The following APTX variants were observed in gnomAD, a reference collection of about 807,000 sequenced individuals.
The protein encoded by APTX is forkhead-associated domain histidine triad-like protein.
APTX carries 33 observed loss-of-function variants against 42.3 expected under a neutral mutation model. The ratio of observed to expected loss-of-function variants is 0.78; its 90% CI spans 0.59 to 1.04. The LOEUF is 1.04. Ranked by LOEUF, APTX falls within the 50% of genes least tolerant of loss-of-function variation. The pLI is 0.00. For missense variants in APTX, 421 were observed against 415.1 expected, an observed-to-expected ratio of 1.01 and a Z score of -0.12; for synonymous variants, 130 against 146.7, an observed-to-expected ratio of 0.89 and a Z score of 0.82.
At position 32,973,628 on chromosome 9, in the gene APTX, G is replaced by A. The variant is rs1018257998; in HGVS notation, c.899C>T (p.Ala300Val). Reference protein sequence around the residue: ...SQAVIEMVQEAGRVTVRDGMP... With the variant: ...SQAVIEMVQEVGRVTVRDGMP... ...CCCATCTCGGACAGTTACTCTACCA[G>A]CCTCTTGTACCATCTCGATCACAGC... The change falls in exon 8 of 8, where the codon GCT becomes GTT. Residue 300 changes from alanine (A) to valine (V), a missense_variant. Ala to Val is a moderately conservative substitution (Grantham distance 64). Coordinates refer to ENST00000379817, the MANE Select transcript of APTX (RefSeq NM_001195248.2). 4 of 1,611,924 alleles carry A rather than the reference G, an allele frequency of 2.5e-6. No homozygotes were observed. Among genetic ancestry groups the A allele is most frequent in the Non-Finnish European group, 3.4e-6 (4 of 1,179,836 alleles).
At chr9:33,008,549 A>C (rs1587639408) in intron 1 of APTX, among the ~76,000 whole-genome samples, 1 of 141,886 alleles carries the variant, frequency 7.0e-6, no homozygotes, top group Admixed American at 7.4e-5. Context: ...CTTCTGATTA[A>C]GATTTTTTTT....
intron 1 of APTX, among the ~76,000 whole-genome samples, chr9:32,996,957 A>C (rs528698678): frequency 2.0e-5 from 3 of 152,368 alleles, no homozygotes; most frequent in South Asian, 2.1e-4. Context: ...ACATGGTCTC[A>C]TTTTAACACT....
At chr9:32,980,936 A>G (rs941178472) in intron 6 of APTX, among the ~76,000 whole-genome samples, 2 of 152,242 alleles carry the variant, frequency 1.3e-5, no homozygotes, top group African/African-American at 4.8e-5. Context: ...CGTTCTCCCA[A>G]TAAATAATCA....
chr9:33,000,355 A>T (rs920744588), intron 1 of APTX, among the ~76,000 whole-genome samples: 3 of 152,150 alleles, frequency 2.0e-5, no homozygotes, highest in Admixed American at 1.3e-4. Context: ...GGCTGGGCAC[A>T]GTGGCTCACG....
intron 1 of APTX, among the ~76,000 whole-genome samples, chr9:33,012,540 T>C (rs1353226606): frequency 2.0e-5 from 3 of 152,094 alleles, no homozygotes; most frequent in Non-Finnish European, 4.4e-5. Context: ...GGTGCTCCTG[T>C]TCAAAGGATC....
intron 6 of APTX, among the ~76,000 whole-genome samples, 165 bp downstream of exon 6, chr9:32,984,466 T>C (rs1831405823): frequency 6.6e-6 from 1 of 152,174 alleles, no homozygotes; most frequent in Non-Finnish European, 1.5e-5. Flanking sequence ...AAAGCTTGCA[T>C]GCAAGTCAGG....
At chr9:32,986,059 A>AC (rs771597653) in intron 4 of APTX, 29 bp from the exon 5 acceptor site, 12 of 1,240,086 alleles carry the variant, frequency 9.7e-6, no homozygotes, top group South Asian at 6.3e-5. Context: ...AAAAAACAAA[A>AC]AAAAAAAAAA....
At chr9:32,988,035 C>T in intron 3 of APTX, 48 bp downstream of exon 3, 5 of 1,589,828 alleles carry the variant, frequency 3.1e-6, no homozygotes, top group Non-Finnish European at 4.3e-6. Flanking sequence ...AAGTCAACAG[C>T]ATAAGAAAAT....
chr9:32,995,979 AC>A (rs750648832), intron 1 of APTX, among the ~76,000 whole-genome samples: 1 of 151,676 alleles, frequency 6.6e-6, no homozygotes, highest in Non-Finnish European at 1.5e-5. Context: ...TCAAGGCAAG[AC>A]CCCCCCTACA....
intron 1 of APTX, among the ~76,000 whole-genome samples, chr9:33,008,095 T>C (rs566022350): frequency 6.6e-6 from 1 of 152,290 alleles, no homozygotes; most frequent in East Asian, 1.9e-4. Context: ...GTTAACCTCC[T>C]ACTGCTTCCC....
At chr9:32,986,935 A>C (rs1832329047) in intron 4 of APTX, among the ~76,000 whole-genome samples, 1 of 152,042 alleles carries the variant, frequency 6.6e-6, no homozygotes, top group African/African-American at 2.4e-5. Flanking sequence ...CAGCCTCCCG[A>C]GTAGCTGGGA....
intron 3 of APTX, 37 bp from the exon 4 acceptor site, chr9:32,987,883 A>G (rs1832579425): frequency 1.4e-5 from 22 of 1,607,480 alleles, no homozygotes; most frequent in Non-Finnish European, 1.9e-5. Flanking sequence ...TTATAATAAT[A>G]GCAACAGCAC....
At chr9:33,015,597 TCTGC>T (rs1396856268) in intron 1 of APTX, among the ~76,000 whole-genome samples, 13 of 152,332 alleles carry the variant, frequency 8.5e-5, no homozygotes, top group African/African-American at 3.1e-4. Context: ...GATCTCATGA[TCTGC>T]CTGCCTCAGT....
chr9:32,986,636 G>C (rs2118773964), intron 4 of APTX, among the ~76,000 whole-genome samples: 1 of 151,716 alleles, frequency 6.6e-6, no homozygotes, highest in East Asian at 1.9e-4. Context: ...GGAGTTGCTG[G>C]GATTATAGGC....
chr9:32,988,068 T>G lies in APTX; in HGVS notation c.180+15A>C, dbSNP rs1832627330. The G allele has an allele frequency of 6.2e-7, 1 of 1,613,272 alleles. No homozygotes were observed. Among genetic ancestry groups the G allele is most frequent in the East Asian group, 2.2e-5 (1 of 44,872 alleles). On this transcript the variant is annotated intron_variant, in intron 3 of 7. Transcript: ENST00000379817. The stretch of plus-strand genomic sequence containing the variant: ...AATCATCGAGTATAAAATTCCAAGT[T>G]ATAAATACACCTACCTGCTTTACCT...
At chr9:32,998,004 A>G (rs148843193) in intron 1 of APTX, among the ~76,000 whole-genome samples, 1,831 of 152,324 alleles carry the variant, frequency 0.012, 23 homozygotes, top group Middle Eastern at 0.017. Flanking sequence ...ATTGCAGGTA[A>G]AAGGACAACA....
chr9:33,009,706 A>T (rs945531075), intron 1 of APTX, among the ~76,000 whole-genome samples: 2 of 151,944 alleles, frequency 1.3e-5, no homozygotes, highest in Non-Finnish European at 2.9e-5. Context: ...TTGAGCCCAG[A>T]AGTCCAAGGC....
upstream of APTX, among the ~76,000 whole-genome samples, chr9:33,005,420 ATTTTT>A (rs1462171455): frequency 6.6e-6 from 1 of 151,328 alleles, no homozygotes; most frequent in East Asian, 1.9e-4. Context: ...GTGTGGTTTT[ATTTTT>A]TTGTTTTTTG....
chr9:33,009,980 T>C (rs1478254360), intron 1 of APTX, among the ~76,000 whole-genome samples: 2 of 152,198 alleles, frequency 1.3e-5, no homozygotes, highest in Non-Finnish European at 2.9e-5. Context: ...CTCGCCTATT[T>C]GCCCAAACAC....
Sources: allele counts gnomAD v4.1 joint callset (sites outside exome capture counted in the v4.1 genomes callset), GRCh38; gene constraint gnomAD v4.1.1; transcripts MANE v1.5; gene names NCBI Gene and HGNC (gene_info 2026-07-23, HGNC 2026-07-21).